KCNIP4: variants seen among roughly 807,000 people sequenced by gnomAD.
The protein encoded by KCNIP4 is potassium voltage-gated channel interacting protein 4, also known as Kv channel-interacting protein 4.
KCNIP4 carries 12 observed loss-of-function variants against 34.0 expected under a neutral mutation model. The observed-to-expected ratio is 0.35, with a 90% CI of 0.23 to 0.57. The LOEUF (loss-of-function observed/expected upper bound fraction) is 0.57. Ranked by LOEUF, KCNIP4 falls within the 20% of genes least tolerant of loss-of-function variation. The pLI is 0.83. For synonymous variants in KCNIP4, 124 were observed against 102.2 expected, an observed-to-expected ratio of 1.21 and a Z score of -1.29; for missense variants, 238 against 311.7, an observed-to-expected ratio of 0.76 and a Z score of 1.78.
chr4:21,380,458 G>GGA (rs1222316977), intron 1 of KCNIP4, among the ~76,000 whole-genome samples: 1 of 88,626 alleles, frequency 1.1e-5, no homozygotes, highest in Non-Finnish European at 2.2e-5. Flanking sequence ...AGGGAGAGGG[G>GGA]GAGAGAGAGA....
At chr4:20,836,920 T>G (rs2149465502) in intron 3 of KCNIP4, among the ~76,000 whole-genome samples, 1 of 152,212 alleles carries the variant, frequency 6.6e-6, no homozygotes, top group South Asian at 2.1e-4. Flanking sequence ...AAGTAATTCT[T>G]TGCTTACTTA....
chr4:21,745,704 C>T (rs6448074), intron 1 of KCNIP4, among the ~76,000 whole-genome samples: 1 of 151,996 alleles, frequency 6.6e-6, no homozygotes, highest in African/African-American at 2.4e-5. Context: ...CAAAAGCACA[C>T]AGGAAAAGAT....
chr4:20,765,793 A>G (rs940055839), intron 3 of KCNIP4, among the ~76,000 whole-genome samples: 2 of 152,256 alleles, frequency 1.3e-5, no homozygotes, highest in African/African-American at 4.8e-5. Flanking sequence ...TTGCAATATA[A>G]CTGCCATAGA....
At chr4:21,726,625 G>C (rs1015108011) in intron 1 of KCNIP4, among the ~76,000 whole-genome samples, 2 of 152,124 alleles carry the variant, frequency 1.3e-5, no homozygotes, top group East Asian at 3.8e-4. Flanking sequence ...TAGATTCCAC[G>C]TCCCTGTGAA....
Position 21,674,696 on chromosome 4 carries a change from T to C in KCNIP4, c.61+273875A>G, listed in dbSNP as rs185344229. ...TTTTGGGAATTTTAATCCTATATCA[T>C]ACCACTTTCATCTCCAGATACAACA... On this transcript the variant is annotated intron_variant, in intron 1 of 8. Transcript: ENST00000382152. Among the ~76,000 whole-genome samples the C allele has an allele frequency of 2.1e-4, 32 of 152,206 alleles. 1 individual carries two copies. Among genetic ancestry groups the C allele is most frequent in the Admixed American group, 2.0e-3 (30 of 15,284 alleles).
intron 3 of KCNIP4, among the ~76,000 whole-genome samples, chr4:20,819,847 G>T (rs977420057): frequency 2.0e-5 from 3 of 152,218 alleles, no homozygotes. Context: ...CTTGGAAGCA[G>T]AGAGCAAGCC....
intron 1 of KCNIP4, among the ~76,000 whole-genome samples, chr4:21,704,577 T>C (rs566167135): frequency 4.6e-5 from 7 of 152,162 alleles, no homozygotes; most frequent in African/African-American, 1.4e-4. Flanking sequence ...ACCACAAAGG[T>C]AAAACAGATG....
At chr4:21,816,262 C>A (rs1301445540) in intron 1 of KCNIP4, among the ~76,000 whole-genome samples, 2 of 152,074 alleles carry the variant, frequency 1.3e-5, no homozygotes, top group Admixed American at 1.3e-4. Flanking sequence ...GATGGCTCTC[C>A]AAGATAAAAT....
At chr4:21,111,972 T>C (rs1749220284) in intron 1 of KCNIP4, among the ~76,000 whole-genome samples, 1 of 150,542 alleles carries the variant, frequency 6.6e-6, no homozygotes, top group Non-Finnish European at 1.5e-5. Context: ...AAATGAGGTT[T>C]ACTTGCATAA....
At chr4:21,771,053 T>G (rs1388707228) in intron 1 of KCNIP4, among the ~76,000 whole-genome samples, 3 of 152,198 alleles carry the variant, frequency 2.0e-5, no homozygotes, top group Non-Finnish European at 4.4e-5. Flanking sequence ...TAGGTTTTCT[T>G]CTAGGGATCT....
At chr4:21,343,623 T>C (rs540823450) in intron 1 of KCNIP4, among the ~76,000 whole-genome samples, 57 of 152,266 alleles carry the variant, frequency 3.7e-4, no homozygotes, top group African/African-American at 1.3e-3. Context: ...GGCATTTCCC[T>C]AGAAGCAGTC....
intron 1 of KCNIP4, among the ~76,000 whole-genome samples, chr4:21,762,556 G>C (rs1245791827): frequency 6.6e-6 from 1 of 152,096 alleles, no homozygotes; most frequent in Non-Finnish European, 1.5e-5. Context: ...ATTTTGAGCA[G>C]AACTGGTTGC....
At chr4:21,935,473 C>G (rs1729807258) in intron 1 of KCNIP4, among the ~76,000 whole-genome samples, 1 of 152,050 alleles carries the variant, frequency 6.6e-6, no homozygotes, top group Non-Finnish European at 1.5e-5. Context: ...GCTGTCCCTA[C>G]ACATTTATTC....
intron 1 of KCNIP4, among the ~76,000 whole-genome samples, chr4:21,837,017 A>C (rs1578051687): frequency 6.9e-6 from 1 of 145,180 alleles, no homozygotes; most frequent in African/African-American, 2.6e-5. Flanking sequence ...TCCCGGATTC[A>C]CTCCATTCTC....
At chr4:21,937,805 G>A (rs1342120295) in intron 1 of KCNIP4, among the ~76,000 whole-genome samples, 3 of 151,930 alleles carry the variant, frequency 2.0e-5, no homozygotes, top group Non-Finnish European at 2.9e-5. Context: ...CCAATGCCTT[G>A]CTCTGTCCTT....
rs143615104 is a variant in KCNIP4, at chr4:21,571,832, A to G, written c.61+376739T>C. The stretch of plus-strand genomic sequence containing the variant: ...TGCAAAATGATTTAGAAAAAGGTAA[A>G]TGATCATAACAATGTTAATAACATC... On this transcript the variant is annotated intron_variant, in intron 1 of 8. Coordinates refer to ENST00000382152, the MANE Select transcript of KCNIP4 (RefSeq NM_025221.6). Among the ~76,000 whole-genome samples the G allele has an allele frequency of 3.6e-3, 541 of 152,270 alleles. 1 individual carries two copies. Among genetic ancestry groups the G allele is most frequent in the Middle Eastern group, 0.01 (3 of 294 alleles).
intron 1 of KCNIP4, among the ~76,000 whole-genome samples, chr4:21,833,094 G>A (rs2109308101): frequency 6.6e-6 from 1 of 150,710 alleles, no homozygotes; most frequent in East Asian, 2.0e-4. Flanking sequence ...ATAGTCCTTT[G>A]GGTATATACC....
At chr4:20,882,858 G>GTA in intron 1 of KCNIP4, 149 bp from the exon 2 acceptor site, 1 of 404,530 alleles carries the variant, frequency 2.5e-6, no homozygotes, top group Admixed American at 4.9e-5. Flanking sequence ...ACCCCCGAAA[G>GTA]GAAAAAAAAA....
At chr4:21,307,684 A>G (rs1712637524) in intron 1 of KCNIP4, among the ~76,000 whole-genome samples, 1 of 152,106 alleles carries the variant, frequency 6.6e-6, no homozygotes, top group African/African-American at 2.4e-5. Flanking sequence ...CTGCTCTCTC[A>G]CTGATCTGGC....
Sources: allele counts gnomAD v4.1 joint callset (sites outside exome capture counted in the v4.1 genomes callset), GRCh38; gene constraint gnomAD v4.1.1; transcripts MANE v1.5; gene names NCBI Gene and HGNC (gene_info 2026-07-23, HGNC 2026-07-21).